GLI2: variants seen among roughly 807,000 people sequenced by gnomAD.
GLI2 encodes transcription activator GLI2.
A neutral mutation model predicts 78.9 loss-of-function variants in GLI2; 22 were observed. That is an observed-to-expected ratio of 0.28 (90% CI 0.20 to 0.40). The LOEUF (loss-of-function observed/expected upper bound fraction) is 0.40, where lower values mean the gene tolerates loss of function less well. GLI2 is among the 10% of genes least tolerant of loss of function. GLI2 has a pLI of 1.00. For missense variants in GLI2, 2,097 were observed against 2,213.2 expected, an observed-to-expected ratio of 0.95 and a Z score of 1.05; for synonymous variants, 974 against 963.7, an observed-to-expected ratio of 1.01 and a Z score of -0.20.
intron 2 of GLI2, among the ~76,000 whole-genome samples, chr2:120,870,548 AG>A (rs1688374520): frequency 6.6e-6 from 1 of 152,230 alleles, no homozygotes; most frequent in East Asian, 1.9e-4. Context: ...GCCTCAGCGG[AG>A]GTGTGACTGC....
intron 2 of GLI2, among the ~76,000 whole-genome samples, chr2:120,891,596 G>A (rs1374995324): frequency 2.0e-5 from 3 of 152,188 alleles, no homozygotes; most frequent in Non-Finnish European, 4.4e-5. Context: ...ATCAGAGCTG[G>A]AGTACAGGCT....
rs189820104 is a variant in GLI2, at chr2:120,819,734, G to A, written c.148+22266G>A. Among the ~76,000 whole-genome samples the A allele has an allele frequency of 3.9e-5, 6 of 152,276 alleles. No homozygotes were observed. In the East Asian group the frequency reaches 9.7e-4, roughly 24 times the overall value. On this transcript the variant is annotated intron_variant, in intron 2 of 13. Coordinates refer to ENST00000361492, the MANE Select transcript of GLI2 (RefSeq NM_001374353.1). ...CATTTACCAGTTACTGTGCCAGTCC[G>A]TTATGCTGGGGCAAATACCCCACTG...
chr2:120,902,301 AAC>A lies in GLI2; in HGVS notation c.149-25054_149-25053del, dbSNP rs573278020. 1.1e-4 allele frequency among the ~76,000 whole-genome samples: 17 copies of A among 151,820 alleles called. No individual in the cohort carries two copies. In the South Asian group the frequency reaches 3.3e-3, roughly 30 times the overall value. On this transcript the variant is annotated intron_variant, in intron 2 of 13. Transcript: ENST00000361492. ...CCGGCTATAGAGGACTTGCTGGGAAAACACACAATAATAAGAAAAGCCTAGGG... is the reference window on the plus strand; with the variant it reads ...CCGGCTATAGAGGACTTGCTGGGAAAACACAATAATAAGAAAAGCCTAGGG...
At chr2:120,921,189 AC>A (rs1679360833) in intron 2 of GLI2, among the ~76,000 whole-genome samples, 1 of 151,858 alleles carries the variant, frequency 6.6e-6, no homozygotes, top group Non-Finnish European at 1.5e-5. Context: ...GTCAGGGTCA[AC>A]CTTTATCCCT....
chr2:120,762,132 A>C (rs1468006584), intron 1 of GLI2, among the ~76,000 whole-genome samples: 1 of 152,162 alleles, frequency 6.6e-6, no homozygotes, highest in Non-Finnish European at 1.5e-5. Flanking sequence ...AATGAGACCG[A>C]GTAGCCCAAG....
rs185306611 is a variant in GLI2 at position 120,746,894 on chromosome 2, A to G, written c.-31+10609A>G. ...TGTAACTCCTTATTTATTTAACATT[A>G]TATCATGGAGATCTCTCATGTTATT... On this transcript the variant is annotated intron_variant, in intron 1 of 13. Coordinates refer to ENST00000361492, the MANE Select transcript of GLI2 (RefSeq NM_001374353.1). Among the ~76,000 whole-genome samples, 1,137 of 152,310 alleles carry G rather than the reference A, an allele frequency of 7.5e-3. 7 individuals are homozygous for G. Among genetic ancestry groups the G allele is most frequent in the Non-Finnish European group, 0.011 (769 of 68,030 alleles).
chr2:120,763,906 G>A (rs1245134006), intron 1 of GLI2, among the ~76,000 whole-genome samples: 1 of 152,246 alleles, frequency 6.6e-6, no homozygotes, highest in Non-Finnish European at 1.5e-5. Flanking sequence ...TTGTCAACAA[G>A]TGGGCCTTTT....
At chr2:120,738,005 T>A (rs997528111) in intron 1 of GLI2, among the ~76,000 whole-genome samples, 6 of 152,194 alleles carry the variant, frequency 3.9e-5, no homozygotes, top group Non-Finnish European at 5.9e-5. Flanking sequence ...TTCCCTTGGC[T>A]GGGTTTCCCT....
At chr2:120,987,830 A>AAAGTG (rs1683050142) in intron 13 of GLI2, among the ~76,000 whole-genome samples, 1 of 152,220 alleles carries the variant, frequency 6.6e-6, no homozygotes, top group Non-Finnish European at 1.5e-5. Flanking sequence ...AGATAATGGT[A>AAAGTG]AAGTGAAGAT....
At chr2:120,953,041 G>T (rs1681073265) in intron 4 of GLI2, among the ~76,000 whole-genome samples, 1 of 152,220 alleles carries the variant, frequency 6.6e-6, no homozygotes, top group South Asian at 2.1e-4. Flanking sequence ...GGCAGCTGAG[G>T]GGTGCCCCCC....
chr2:120,759,840 A>G (rs576589168), intron 1 of GLI2, among the ~76,000 whole-genome samples: 1 of 152,304 alleles, frequency 6.6e-6, no homozygotes, highest in South Asian at 2.1e-4. Flanking sequence ...CCTAGGGCCT[A>G]CCTAGTTACA....
intron 8 of GLI2, among the ~76,000 whole-genome samples, chr2:120,973,708 A>G (rs979332265): frequency 1.3e-5 from 2 of 152,200 alleles, no homozygotes; most frequent in Admixed American, 6.5e-5. Flanking sequence ...CTTGCTCCCA[A>G]TGTAGCCCCT....
intron 10 of GLI2, among the ~76,000 whole-genome samples, chr2:120,980,274 C>T (rs1030968461): frequency 6.6e-6 from 1 of 152,240 alleles, no homozygotes; most frequent in Non-Finnish European, 1.5e-5. Flanking sequence ...TCTGATTTCT[C>T]CAAATCCTCA....
intron 1 of GLI2, among the ~76,000 whole-genome samples, chr2:120,742,661 C>CAGTT (rs1174159400): frequency 8.5e-6 from 1 of 118,334 alleles, no homozygotes; most frequent in African/African-American, 3.7e-5. Flanking sequence ...CACCATAATT[C>CAGTT]AGTTGTTAGG....
At chr2:120,757,968 G>A (rs973662473) in intron 1 of GLI2, among the ~76,000 whole-genome samples, 5 of 152,202 alleles carry the variant, frequency 3.3e-5, no homozygotes, top group African/African-American at 4.8e-5. Context: ...CATCTTGGCC[G>A]AAGCAGAGAG....
chr2:120,764,261 T>C (rs541049132), intron 1 of GLI2, among the ~76,000 whole-genome samples: 2 of 152,312 alleles, frequency 1.3e-5, no homozygotes, highest in East Asian at 3.9e-4. Context: ...TCCACCGTGC[T>C]GGGGAGGGAG....
At chr2:120,791,376 CAG>C (rs963178108) in intron 1 of GLI2, among the ~76,000 whole-genome samples, 1 of 152,112 alleles carries the variant, frequency 6.6e-6, no homozygotes, top group Non-Finnish European at 1.5e-5. Context: ...CCAGTGGAGA[CAG>C]TGGTGTGAGG....
chr2:120,948,598 G>A (rs768930248), intron 3 of GLI2, among the ~76,000 whole-genome samples: 7 of 152,172 alleles, frequency 4.6e-5, no homozygotes, highest in Non-Finnish European at 7.3e-5. Flanking sequence ...ACCTCACTCC[G>A]GGCCTCTCAG....
rs530419340 is a variant in GLI2, at chr2:120,941,729, G to A, written c.255-9514G>A. Among the ~76,000 whole-genome samples the A allele has an allele frequency of 7.9e-4, 120 of 152,356 alleles. 1 individual carries two copies. Among genetic ancestry groups the A allele is most frequent in the Middle Eastern group, 3.4e-3 (1 of 294 alleles). ...AAGGTCCCAGTGTCTCCACTCTGGA[G>A]CTCCGTGGACCCACCCATGGCCCTG... is the stretch of plus-strand genomic sequence containing the variant. On this transcript the variant is annotated intron_variant, in intron 3 of 13. Coordinates refer to ENST00000361492, the MANE Select transcript of GLI2 (RefSeq NM_001374353.1).
Sources: allele counts gnomAD v4.1 joint callset (sites outside exome capture counted in the v4.1 genomes callset), GRCh38; gene constraint gnomAD v4.1.1; transcripts MANE v1.5; gene names NCBI Gene and HGNC (gene_info 2026-07-23, HGNC 2026-07-21).